Variants in LRRK2 observed in about 807,000 individuals in gnomAD.
LRRK2 encodes the protein leucine rich repeat kinase 2, also known as leucine-rich repeat serine/threonine-protein kinase 2.
In LRRK2, 203 loss-of-function variants were observed where a neutral mutation model predicts 302.6. The ratio of observed to expected loss-of-function variants is 0.67; its 90% CI spans 0.60 to 0.75. LRRK2 has a LOEUF of 0.75. LRRK2 is among the 30% of genes least tolerant of loss of function. LRRK2 has a pLI of 0.00. For missense variants in LRRK2, 2,830 were observed against 2,951.0 expected, an observed-to-expected ratio of 0.96 and a Z score of 0.95; for synonymous variants, 1,066 against 1,031.9, an observed-to-expected ratio of 1.03 and a Z score of -0.63.
intron 24 of LRRK2, among the ~76,000 whole-genome samples, 164 bp downstream of exon 24, chr12:40,298,657 C>A (rs1944473484): frequency 6.7e-6 from 1 of 149,936 alleles, no homozygotes; most frequent in Non-Finnish European, 1.5e-5. Context: ...CTTATAATCC[C>A]AGCTACTCAG....
Position 40,251,393 on chromosome 12 carries a change from T to A in LRRK2, c.1101+19T>A. 6.2e-7 allele frequency: 1 copy of A among 1,613,798 alleles called. No homozygotes were observed. The highest frequency in any genetic ancestry group is 1.1e-5 in the South Asian group (1 of 91,074). On this transcript the variant is annotated intron_variant, in intron 9 of 50. Coordinates refer to ENST00000298910, the MANE Select transcript of LRRK2 (RefSeq NM_198578.4). ...CGTGCAGGTAGGACTCTCATAAATA[T>A]TAGAGTTATTCAAAATTATGTTTTC... is the stretch of plus-strand genomic sequence containing the variant.
chr12:40,322,022 C>T lies in LRRK2; in HGVS notation c.5171-13C>T, dbSNP rs1232524081. On this transcript the variant is annotated splice_polypyrimidine_tract_variant and intron_variant, in intron 35 of 50. Transcript: ENST00000298910. ...TTAGGAAGCAGTTAATAATTAATGG[C>T]TCCATTTTTTAGAACGAGCACTTCG... 2 of 1,612,770 alleles carry T rather than the reference C, an allele frequency of 1.2e-6. No homozygotes were observed. The highest frequency in any genetic ancestry group is 8.5e-7 in the Non-Finnish European group (1 of 1,179,210).
At chr12:40,367,335 CA>C in intron 50 of LRRK2, 1 of 449,910 alleles carries the variant, frequency 2.2e-6, no homozygotes, top group East Asian at 4.0e-5. Flanking sequence ...ATATTTTTTA[CA>C]ACTTATCTAT....
At chr12:40,335,487 C>T (rs1483388270) in intron 40 of LRRK2, among the ~76,000 whole-genome samples, 11 of 152,076 alleles carry the variant, frequency 7.2e-5, no homozygotes, top group Non-Finnish European at 1.5e-5. Context: ...TTACATGATT[C>T]CAATGAGGAA....
chr12:40,278,155 T>A lies in LRRK2; in HGVS notation c.2135T>A (p.Met712Lys). The A allele has an allele frequency of 6.2e-7, 1 of 1,614,164 alleles. No individual in the cohort carries two copies. Among genetic ancestry groups the A allele is most frequent in the Non-Finnish European group, 8.5e-7 (1 of 1,180,014 alleles). The part of the protein sequence containing the change: ...VAMDDYLKNV[M>K]LERACDQNNS... Reference sequence around the variant, plus strand: ...ATGGATGATTACTTAAAAAATGTGATGCTAGAGAGAGCGTGTGATCAGAAT... The same window carrying A: ...ATGGATGATTACTTAAAAAATGTGAAGCTAGAGAGAGCGTGTGATCAGAAT... The change falls in exon 18 of 51, where the codon ATG becomes AAG. Residue 712 changes from methionine to lysine, a missense_variant. Coordinates refer to ENST00000298910, the MANE Select transcript of LRRK2 (RefSeq NM_198578.4).
At chr12:40,316,772 T>C (rs1282567290) in intron 33 of LRRK2, among the ~76,000 whole-genome samples, 2 of 152,036 alleles carry the variant, frequency 1.3e-5, no homozygotes, top group African/African-American at 4.8e-5. Context: ...CTTACGTAGT[T>C]TTGGAAAGTG....
intron 44 of LRRK2, among the ~76,000 whole-genome samples, chr12:40,353,440 C>A (rs113693842): frequency 0.77 from 113,304 of 147,996 alleles, 44,144 homozygotes; most frequent in Non-Finnish European, 0.85. Flanking sequence ...CCGGGCAGAG[C>A]CGCTCATCAC....
chr12:40,237,898 T>A (rs1941540484), intron 4 of LRRK2, 71 bp from the exon 5 acceptor site: 10 of 1,490,916 alleles, frequency 6.7e-6, no homozygotes, highest in Non-Finnish European at 9.2e-6. Context: ...AAAAATTAAT[T>A]CATGTAAAAA....
chr12:40,351,985 G>A (rs188251063), intron 44 of LRRK2, among the ~76,000 whole-genome samples: 1 of 152,316 alleles, frequency 6.6e-6, no homozygotes, highest in Non-Finnish European at 1.5e-5. Context: ...ATCTTAGAGA[G>A]AAGTAGAGGA....
chr12:40,225,341 A>G, intron 1 of LRRK2, 59 bp downstream of exon 1: 11 of 1,589,518 alleles, frequency 6.9e-6, no homozygotes, highest in Non-Finnish European at 9.4e-6. Context: ...CCCTCCTTAC[A>G]TTTGCAAATT....
intron 7 of LRRK2, among the ~76,000 whole-genome samples, chr12:40,247,082 T>C (rs1053222724): frequency 6.6e-6 from 1 of 152,166 alleles, no homozygotes; most frequent in Non-Finnish European, 1.5e-5. Context: ...AGTTTTTCAT[T>C]GTTACAAATT....
chr12:40,293,352 T>C (rs1238076217), intron 20 of LRRK2, among the ~76,000 whole-genome samples, 193 bp from the exon 21 acceptor site: 1 of 152,006 alleles, frequency 6.6e-6, no homozygotes, highest in Non-Finnish European at 1.5e-5. Flanking sequence ...AAAAATGTTG[T>C]TGAATTTTTA....
rs115989521 is a variant in LRRK2, at chr12:40,250,699, C to T, written c.959-533C>T. 9.4e-3 allele frequency among the ~76,000 whole-genome samples: 1,437 copies of T among 152,278 alleles called. 25 individuals are homozygous for T. The highest frequency in any genetic ancestry group is 0.032 in the African/African-American group (1,345 of 41,538). ...ACAGGCCCCAGTGTGTATTGTCCCT[C>T]TCCCTGTGTTCATGTGTTCTCATTG... On this transcript the variant is annotated intron_variant, in intron 8 of 50. Transcript: ENST00000298910.
intron 41 of LRRK2, among the ~76,000 whole-genome samples, chr12:40,341,912 G>A (rs947301355): frequency 6.6e-6 from 1 of 152,138 alleles, no homozygotes; most frequent in African/African-American, 2.4e-5. Flanking sequence ...GTCAATGAGA[G>A]GTTTGGAAAA....
rs141888096 is a variant in LRRK2, at chr12:40,311,041, T to C, written c.4536+392T>C. The stretch of plus-strand genomic sequence containing the variant: ...CTTTCTTCTATTATTCTTTAACTGT[T>C]ATTTTTCCATTTCCTCTTTTCTTTT... On this transcript the variant is annotated intron_variant, in intron 31 of 50. Coordinates refer to ENST00000298910, the MANE Select transcript of LRRK2 (RefSeq NM_198578.4). 2.3e-3 allele frequency among the ~76,000 whole-genome samples: 355 copies of C among 152,248 alleles called. 2 individuals carry two copies. Among genetic ancestry groups the C allele is most frequent in the African/African-American group, 8.2e-3 (342 of 41,552 alleles).
At chr12:40,344,889 T>C (rs1303593049) in intron 41 of LRRK2, among the ~76,000 whole-genome samples, 5 of 151,976 alleles carry the variant, frequency 3.3e-5, no homozygotes, top group African/African-American at 9.7e-5. Context: ...TATTAATATA[T>C]TACTATGTAT....
chr12:40,335,881 T>G (rs544257796), intron 40 of LRRK2, among the ~76,000 whole-genome samples: 166 of 152,220 alleles, frequency 1.1e-3, no homozygotes, highest in South Asian at 9.6e-3. Flanking sequence ...CTTACATTCC[T>G]TTCTTCCTCT....
chr12:40,238,019 AT>A lies in LRRK2; in HGVS notation c.492del (p.Phe164LeufsTer33). 6.2e-7 allele frequency: 1 copy of A among 1,613,482 alleles called. No individual in the cohort carries two copies. The highest frequency in any genetic ancestry group is 8.5e-7 in the Non-Finnish European group (1 of 1,179,592). Reference protein sequence around the residue: ...LDEESDIFMLIFDAMHSFPAN... With the variant: ...LDEESDIFMLXFDAMHSFPAN... ...TGAAGAAAGTGATATTTTCATGTTA[AT>A]TTTTGATGCCATGCACTCATTTCCA... On this transcript the variant is annotated frameshift_variant, in exon 5 of 51. Transcript: ENST00000298910. LOFTEE classifies it high-confidence loss of function.
intron 7 of LRRK2, 81 bp downstream of exon 7, chr12:40,243,762 G>C: frequency 2.3e-6 from 3 of 1,284,306 alleles, no homozygotes; most frequent in Non-Finnish European, 3.3e-6. Context: ...GCATAATAAT[G>C]GATAAGTAGC....
Sources: allele counts gnomAD v4.1 joint callset (sites outside exome capture counted in the v4.1 genomes callset), GRCh38; gene constraint gnomAD v4.1.1; transcripts MANE v1.5; gene names NCBI Gene and HGNC (gene_info 2026-07-23, HGNC 2026-07-21).